Variants in XRCC3 observed in about 807,000 individuals in gnomAD.
XRCC3 encodes X-ray repair cross complementing 3, also known as DNA repair protein XRCC3.
In XRCC3, 34 loss-of-function variants were observed where a neutral mutation model predicts 29.2. The observed-to-expected ratio is 1.16, with a 90% CI of 0.88 to 1.55. The LOEUF (loss-of-function observed/expected upper bound fraction) is 1.55. Ranked by LOEUF, XRCC3 falls within the 40% of genes most tolerant of loss-of-function variation. The pLI is 0.00. For synonymous variants in XRCC3, 223 were observed against 211.3 expected (o/e 1.06, Z -0.48); for missense variants, 463 against 467.6 (o/e 0.99, Z 0.09).
intron 4 of XRCC3, chr14:103,709,603 G>A (rs527897308): frequency 1.3e-5 from 2 of 152,396 alleles, no homozygotes; most frequent in African/African-American, 4.8e-5. Flanking sequence ...AAGCGCCCCT[G>A]GGTTTCACCA....
intron 6 of XRCC3, 160 bp from the exon 7 acceptor site, chr14:103,703,487 C>T: frequency 1.2e-6 from 1 of 869,054 alleles, no homozygotes; most frequent in Non-Finnish European, 1.8e-6. Flanking sequence ...CTTTTTCTCA[C>T]CCTCCCACTG....
chr14:103,708,361 G>T, intron 5 of XRCC3, 161 bp downstream of exon 5: 5 of 1,067,120 alleles, frequency 4.7e-6, no homozygotes, highest in Non-Finnish European at 6.9e-6. Context: ...CAGCCCCATG[G>T]GTGTAGGACA....
At chr14:103,701,303 A>G (rs2083181037) in intron 7 of XRCC3, 1 of 1,249,860 alleles carries the variant, frequency 8.0e-7, no homozygotes, top group Middle Eastern at 2.0e-4. Flanking sequence ...CGGGAGCCGC[A>G]GCGCTCACTC....
chr14:103,703,072 C>T, intron 7 of XRCC3, 101 bp downstream of exon 7: 1 of 1,514,458 alleles, frequency 6.6e-7, no homozygotes, highest in Non-Finnish European at 8.9e-7. Context: ...CCCAACTCTC[C>T]CTGCCCTGCT....
chr14:103,698,454 T>G lies in XRCC3; in HGVS notation c.*344A>C. On this transcript the variant is annotated 3_prime_UTR_variant, in exon 10 of 10. Coordinates refer to ENST00000555055, the MANE Select transcript of XRCC3 (RefSeq NM_005432.4). ...AGACGCAACCCCAGTTGGGCTTCCA[T>G]GTGGAGAGAAGAAGCAGGCGGCTCC... is the stretch of plus-strand genomic sequence containing the variant. 3.6e-5 allele frequency: 13 copies of G among 356,394 alleles called. No homozygotes were observed. The highest frequency in any genetic ancestry group is 2.1e-4 in the East Asian group (3 of 14,074). 22.1% of individuals were successfully genotyped at this position (356,394 alleles called of 1,614,324 possible).
At chr14:103,707,324 G>A in intron 5 of XRCC3, 109 bp from the exon 6 acceptor site, 1 of 1,379,826 alleles carries the variant, frequency 7.2e-7, no homozygotes, top group Non-Finnish European at 1.0e-6. Context: ...TGTGGCTGGA[G>A]CACAGGTGCC....
intron 6 of XRCC3, chr14:103,706,271 T>C (rs1007540771): frequency 6.7e-6 from 3 of 450,680 alleles, no homozygotes; most frequent in African/African-American, 4.0e-5. Flanking sequence ...CGTGAGGAGG[T>C]GGCTGGCTGG....
chr14:103,699,497 G>C lies in XRCC3; in HGVS notation c.641C>G (p.Ser214Trp), dbSNP rs759919423. 7.4e-6 allele frequency: 12 copies of C among 1,612,768 alleles called. No individual in the cohort carries two copies. Among genetic ancestry groups the C allele is most frequent in the Non-Finnish European group, 8.5e-6 (10 of 1,179,962 alleles). Residue 214 changes from serine (S) to tryptophan (W), a missense_variant, in exon 8 of 10, where the codon TCG becomes TGG. Ser to Trp is a radical substitution (Grantham distance 177). Transcript: ENST00000555055. ...RGMARLVVID[S>W]VAAPFRCEFD... ...TTCACAGCGGAATGGGGCTGCCACC[G>C]AGTCGATGACCACCAGGCGAGCCAT...
At chr14:103,710,545 C>T (rs2083588169) in intron 4 of XRCC3, 1 of 157,604 alleles carries the variant, frequency 6.3e-6, no homozygotes, top group Admixed American at 6.2e-5. Context: ...TCAAGACCAT[C>T]CTGGCTAAAA....
intron 7 of XRCC3, chr14:103,700,458 C>G: frequency 2.0e-6 from 1 of 496,966 alleles, no homozygotes. Context: ...ACAGCTGCTC[C>G]TGGCACCAAG....
chr14:103,714,678 C>A (rs540706588), intron 1 of XRCC3, among the ~76,000 whole-genome samples: 27 of 152,088 alleles, frequency 1.8e-4, no homozygotes, highest in African/African-American at 6.5e-4. Context: ...ACATTTTCTT[C>A]TTTTTTTTGT....
At position 103,708,510 on chromosome 14, in the gene XRCC3, G is replaced by A. The variant is rs972586429; in HGVS notation, c.193+12C>T. The A allele has an allele frequency of 6.2e-7, 1 of 1,613,588 alleles. No homozygotes were observed. The highest frequency in any genetic ancestry group is 8.5e-7 in the Non-Finnish European group (1 of 1,179,958). ...CATGTCACCCCTGGCAGAGATGCCAGGGCCCACCTACCTGTAAGGATGCTG... is the reference window on the plus strand; with the variant it reads ...CATGTCACCCCTGGCAGAGATGCCAAGGCCCACCTACCTGTAAGGATGCTG... On this transcript the variant is annotated intron_variant, in intron 5 of 9. Coordinates refer to ENST00000555055, the MANE Select transcript of XRCC3 (RefSeq NM_005432.4).
rs766394376 is a variant in XRCC3 at position 103,703,227 on chromosome 14, C to T, written c.507G>A (p.Leu169=). 4.5e-6 allele frequency: 7 copies of T among 1,567,554 alleles called. No individual in the cohort carries two copies. The highest frequency in any genetic ancestry group is 1.7e-4 in the Middle Eastern group (1 of 6,020). ...PRLRTDVPGE[L]LQKLRFGSQI... is the part of the protein sequence containing the mutation. ...GGCTGCCAAATCGGAGCTTCTGAAGCAGCTCTCCTGGAACGTCAGTGCGCA... is the reference window on the plus strand; with the variant it reads ...GGCTGCCAAATCGGAGCTTCTGAAGTAGCTCTCCTGGAACGTCAGTGCGCA... The change falls in exon 7 of 10, where the codon CTG becomes CTA. Residue 169 remains leucine (L), a synonymous_variant. Coordinates refer to ENST00000555055, the MANE Select transcript of XRCC3 (RefSeq NM_005432.4).
chr14:103,712,000 C>T (rs757929816), intron 2 of XRCC3: 6 of 344,788 alleles, frequency 1.7e-5, no homozygotes, highest in African/African-American at 6.4e-5. Context: ...AAGGGCGGGC[C>T]GTGGACTTGG....
chr14:103,703,708 C>T (rs755550657), intron 6 of XRCC3: 3 of 313,660 alleles, frequency 9.6e-6, no homozygotes, highest in African/African-American at 4.3e-5. Context: ...ATCAGGGCAA[C>T]GCCTTCTGGA....
chr14:103,699,440 C>A lies in XRCC3; in HGVS notation c.698G>T (p.Arg233Met), dbSNP rs1261492669. The change falls in exon 8 of 10, where the codon AGG becomes ATG. Residue 233 changes from arginine to methionine, a missense_variant. By Grantham distance (91) the Arg-to-Met change is moderately conservative (BLOSUM62 -1). Transcript: ENST00000555055. The stretch of plus-strand genomic sequence containing the variant: ...CGTGGCCCCCAGGGACTGCAGATGC[C>A]TGGCCCTGGGGGCGGAGGCCTGGCT... ...FDSQASAPRA[R>M]HLQSLGATLR... 1 of 1,612,850 alleles carries A rather than the reference C, an allele frequency of 6.2e-7. No individual in the cohort carries two copies. The highest frequency in any genetic ancestry group is 1.3e-5 in the African/African-American group (1 of 74,930).
intron 6 of XRCC3, chr14:103,705,440 C>A (rs1160845814): frequency 6.6e-6 from 1 of 152,390 alleles, no homozygotes; most frequent in East Asian, 1.9e-4. Flanking sequence ...GTGGGCGGGG[C>A]CCCAGCAGGC....
intron 6 of XRCC3, 33 bp from the exon 7 acceptor site, chr14:103,703,360 G>T: frequency 6.5e-7 from 1 of 1,537,608 alleles, no homozygotes; most frequent in South Asian, 1.2e-5. Context: ...GTGCCCAGGG[G>T]ACTCCAGACG....
intron 1 of XRCC3, chr14:103,713,668 C>T (rs987817301): frequency 2.0e-5 from 3 of 152,420 alleles, no homozygotes; most frequent in African/African-American, 7.2e-5. Flanking sequence ...GGACTCACTC[C>T]TCTGCCTTGG....
Sources: gnomAD v4.1 joint callset for allele counts (sites outside exome capture counted in the v4.1 genomes callset) on GRCh38, gnomAD v4.1.1 for gene constraint, MANE v1.5 for transcripts, NCBI Gene and HGNC (gene_info 2026-07-23, HGNC 2026-07-21) for gene names.